The following LILRB4 variants were observed in gnomAD, a reference collection of about 807,000 sequenced individuals.
LILRB4 encodes leukocyte immunoglobulin like receptor B4.
LILRB4 carries 49 observed loss-of-function variants against 55.2 expected under a neutral mutation model. The observed-to-expected ratio is 0.89, with a 90% CI of 0.71 to 1.13. LILRB4 has a LOEUF of 1.13. LILRB4 is among the 50% of genes most tolerant of loss of function. The pLI is 0.00. For synonymous variants in LILRB4, 229 were observed against 213.8 expected (o/e 1.07, Z -0.62); for missense variants, 590 against 555.2 (o/e 1.06, Z -0.63).
chr19:54,663,046 T>A (rs28366008), exon 1 of LILRB4: 1 of 1,613,514 alleles, frequency 6.2e-7, no homozygotes. Context: ...GATCCCCACC[T>A]TCACGGCTCT....
rs1599930510 is a variant in LILRB4 at position 54,666,638 on chromosome 19, G to C, written c.989-59G>C. 6.4e-7 allele frequency: 1 copy of C among 1,558,832 alleles called. No individual in the cohort carries two copies. The highest frequency in any genetic ancestry group is 1.1e-5 in the South Asian group (1 of 88,088). On this transcript the variant is annotated intron_variant, in intron 9 of 11. Transcript: ENST00000430952. The surrounding 1 kb of genome is among the most constrained non-coding windows in gnomAD (Gnocchi z 4.8). Reference sequence around the variant, plus strand: ...AATGGGAACAGGGCAGGGACCAGCAGGAATGAGAGGTCCCAGGGAACCTTC... The same window carrying C: ...AATGGGAACAGGGCAGGGACCAGCACGAATGAGAGGTCCCAGGGAACCTTC...
rs755551509 is a variant in LILRB4 at position 54,663,893 on chromosome 19, C to CA, written c.211dup (p.Arg71LysfsTer41). On this transcript the variant is annotated frameshift_variant, in exon 3 of 12. Transcript: ENST00000430952. LOFTEE classifies it high-confidence loss of function. ...AAGAGGAAAGCCCAGCACCCTGGGA[C>CA]AGACAGAACCCACTGGAGCCCAAGA... 1 of 1,614,162 alleles carries CA rather than the reference C, an allele frequency of 6.2e-7. No individual in the cohort carries two copies. Among genetic ancestry groups the CA allele is most frequent in the Non-Finnish European group, 8.5e-7 (1 of 1,180,016 alleles).
chr19:54,667,661 G>A (rs75552485), exon 11 of LILRB4: 1 of 1,609,332 alleles, frequency 6.2e-7, no homozygotes, highest in African/African-American at 1.4e-5. Context: ...AAGACCCCCA[G>A]GCAGTGACGT....
Position 54,666,503 on chromosome 19 carries a change from G to A in LILRB4, c.988+67G>A, listed in dbSNP as rs1458589718. Reference sequence around the variant, plus strand: ...GGGTCCCAAAATTTCAATAGCAATGGGGGCAGGAGCACAGGCTAGGATTGG... The same window carrying A: ...GGGTCCCAAAATTTCAATAGCAATGAGGGCAGGAGCACAGGCTAGGATTGG... On this transcript the variant is annotated intron_variant, in intron 9 of 11. Coordinates refer to ENST00000430952, the Ensembl canonical transcript of LILRB4. This position sits in a 1 kb window ranked among gnomAD's most constrained non-coding sequence, Gnocchi z 4.8. 7 of 1,571,378 alleles carry A rather than the reference G, an allele frequency of 4.5e-6. No homozygotes were observed. Among genetic ancestry groups the A allele is most frequent in the Admixed American group, 1.7e-5 (1 of 59,156 alleles).
exon 12 of LILRB4, chr19:54,668,287 T>A (rs1408065198): frequency 8.5e-6 from 4 of 468,174 alleles, no homozygotes; most frequent in African/African-American, 7.7e-5. Context: ...AATTGAATGA[T>A]CATGTAAATA....
chr19:54,664,454 C>A (rs768951096), exon 4 of LILRB4: 2 of 1,594,070 alleles, frequency 1.3e-6, no homozygotes, highest in Admixed American at 1.7e-5. Flanking sequence ...TGCTGTCACA[C>A]CCCAGTGACC....
rs745688581 is a variant in LILRB4, at chr19:54,666,262, A to C, written c.897A>C (p.Gln299His). ...CAGCCCAGAGACAGGCTGATTTCCA[A>C]CGTCCTCCAGGGGCTGCCGAGCCAG... Residue 299 changes from glutamine to histidine, a missense_variant, in exon 8 of 12, where the codon CAA (glutamine) becomes CAC (histidine). Transcript: ENST00000430952. This position sits in a 1 kb window ranked among gnomAD's most constrained non-coding sequence, Gnocchi z 4.8. 33 of 1,605,830 alleles carry C rather than the reference A, an allele frequency of 2.1e-5. 1 individual carries two copies. The Middle Eastern group carries it at 6.7e-4, about 32-fold the overall frequency.
chr19:54,663,133 TG>T lies in LILRB4; in HGVS notation c.34+68del, dbSNP rs1249491534. ...GGAAATTTGCCTCACAGCCAGGCCC[TG>T]GTTCTTTAGGAGACTCAAAAATCTC... On this transcript the variant is annotated intron_variant, in intron 1 of 11. Coordinates refer to ENST00000430952, the Ensembl canonical transcript of LILRB4. 5.8e-6 allele frequency: 9 copies of T among 1,562,188 alleles called. No homozygotes were observed. In the African/African-American group the frequency reaches 1.2e-4, roughly 21 times the overall value.
At position 54,666,669 on chromosome 19, in the gene LILRB4, A is replaced by G. The variant is rs1266552932; in HGVS notation, c.989-28A>G. On this transcript the variant is annotated intron_variant, in intron 9 of 11. Transcript: ENST00000430952. This position sits in a 1 kb window ranked among gnomAD's most constrained non-coding sequence, Gnocchi z 4.8. ...AGAGGTCCCAGGGAACCTTCCCAGG[A>G]GATGAACCCCTTGCTCTACCCCAGC... is the stretch of plus-strand genomic sequence containing the variant. 1 of 1,612,018 alleles carries G rather than the reference A, an allele frequency of 6.2e-7. No individual in the cohort carries two copies. Among genetic ancestry groups the G allele is most frequent in the Non-Finnish European group, 8.5e-7 (1 of 1,178,590 alleles).
chr19:54,663,064 C>T (rs2065075297), exon 1 of LILRB4: 16 of 1,613,092 alleles, frequency 9.9e-6, no homozygotes, highest in Non-Finnish European at 1.4e-5. Flanking sequence ...TCTGCTCTGC[C>T]TCGGTGAGAT....
At position 54,666,833 on chromosome 19, in the gene LILRB4, C is replaced by T. The variant is rs566494170; in HGVS notation, c.1041+84C>T. ...CAGGACTTCTCTGTCCTCCTTCCCC[C>T]GGCTCTCAGCATCGTCACGGTGGAC... On this transcript the variant is annotated intron_variant, in intron 10 of 11. Transcript: ENST00000430952. This position sits in a 1 kb window ranked among gnomAD's most constrained non-coding sequence, Gnocchi z 4.8. 1.6e-4 allele frequency: 210 copies of T among 1,322,148 alleles called. No homozygotes were observed. The African/African-American group carries it at 2.5e-3, about 15-fold the overall frequency. The allele number at this position is 1,322,148 out of a possible 1,614,324, so 81.9% of individuals were successfully genotyped here. A position where few individuals can be genotyped will look rare whatever the true frequency, so the allele number is the denominator to read the frequency against.
At chr19:54,664,597 A>G in intron 4 of LILRB4, 112 bp downstream of exon 4, 1 of 1,220,214 alleles carries the variant, frequency 8.2e-7, no homozygotes, top group South Asian at 1.5e-5. Flanking sequence ...TGGGGGACTC[A>G]GCCCTCAGAG....
Position 54,665,728 on chromosome 19 carries a change from A to C in LILRB4, c.758-87A>C. 1 of 1,470,442 alleles carries C rather than the reference A, an allele frequency of 6.8e-7. No homozygotes were observed. The highest frequency in any genetic ancestry group is 9.3e-7 in the Non-Finnish European group (1 of 1,073,142). The allele number at this position is 1,470,442 out of a possible 1,614,324, so 91.1% of individuals were successfully genotyped here. A position where few individuals can be genotyped will look rare whatever the true frequency, so the allele number is the denominator to read the frequency against. On this transcript the variant is annotated intron_variant, in intron 6 of 11. Coordinates refer to ENST00000430952, the Ensembl canonical transcript of LILRB4. The surrounding 1 kb of genome is among the most constrained non-coding windows in gnomAD (Gnocchi z 5.5). ...CTGTGAGGGTTGGAGGTAATGAAAGAAAGACCCAGCACACACAGTAGGTGC... is the reference window on the plus strand; with the variant it reads ...CTGTGAGGGTTGGAGGTAATGAAAGCAAGACCCAGCACACACAGTAGGTGC...
intron 4 of LILRB4, 73 bp downstream of exon 4, chr19:54,664,558 C>G: frequency 6.8e-7 from 1 of 1,481,112 alleles, no homozygotes; most frequent in Non-Finnish European, 9.1e-7. Flanking sequence ...GAGCTCTGGG[C>G]AGGGATGGAG....
chr19:54,667,019 A>G, intron 10 of LILRB4: 1 of 680,520 alleles, frequency 1.5e-6, no homozygotes, highest in South Asian at 1.5e-5. Context: ...AGGATGACGA[A>G]TAAATGAACC....
At position 54,666,701 on chromosome 19, in the gene LILRB4, T is replaced by G. The variant is rs1170557341; in HGVS notation, c.993T>G (p.Ala331=). 1 of 1,614,046 alleles carries G rather than the reference T, an allele frequency of 6.2e-7. No homozygotes were observed. The highest frequency in any genetic ancestry group is 1.7e-5 in the Admixed American group (1 of 60,006). Residue 331 remains alanine (A), a synonymous_variant, in exon 10 of 12, where the codon GCT becomes GCG. Coordinates refer to ENST00000430952, the Ensembl canonical transcript of LILRB4. This position sits in a 1 kb window ranked among gnomAD's most constrained non-coding sequence, Gnocchi z 4.8. ...CCCCTTGCTCTACCCCAGCAGGTGC[T>G]GCCGTGAAGAACACACAGCCTGAGG... is the stretch of plus-strand genomic sequence containing the variant.
intron 1 of LILRB4, 125 bp from the exon 2 acceptor site, chr19:54,663,407 C>T (rs1324739892): frequency 3.6e-6 from 5 of 1,374,326 alleles, no homozygotes; most frequent in African/African-American, 1.6e-5. Flanking sequence ...GATCGCACCA[C>T]CGCACTCCAG....
chr19:54,667,043 G>A lies in LILRB4; in HGVS notation c.1041+294G>A, dbSNP rs186339778. The A allele has an allele frequency of 2.2e-3, 1,474 of 660,018 alleles. 2 individuals carry two copies. Among genetic ancestry groups the A allele is most frequent in the Non-Finnish European group, 3.2e-3 (1,109 of 350,946 alleles). The allele number at this position is 660,018 out of a possible 1,614,324, so 40.9% of individuals were successfully genotyped here. On this transcript the variant is annotated intron_variant, in intron 10 of 11. Transcript: ENST00000430952. The stretch of plus-strand genomic sequence containing the variant: ...AATAAATGAACCACTCCAGTCCCCT[G>A]GGCTCCCCTTCATTCATTCATCTAG...
Position 54,665,061 on chromosome 19 carries a change from T to G in LILRB4, c.707-69T>G, listed in dbSNP as rs758265041. ...AGGGGGTCAAGGCTGAAGGAGATGT[T>G]GCGGGGAGAAGCCGAGCTGATGTGG... On this transcript the variant is annotated intron_variant, in intron 5 of 11. Coordinates refer to ENST00000430952, the Ensembl canonical transcript of LILRB4. This position sits in a 1 kb window ranked among gnomAD's most constrained non-coding sequence, Gnocchi z 5.5. 5 of 1,577,854 alleles carry G rather than the reference T, an allele frequency of 3.2e-6. No individual in the cohort carries two copies. Among genetic ancestry groups the G allele is most frequent in the Admixed American group, 3.4e-5 (2 of 59,182 alleles).
Sources: gnomAD v4.1 joint callset for allele counts on GRCh38, gnomAD v4.1.1 for gene constraint, Gnocchi (gnomAD v3.1) non-coding constraint, MANE v1.5 for transcripts, NCBI Gene and HGNC (gene_info 2026-07-23, HGNC 2026-07-21) for gene names.